PXYLP1: variants seen among roughly 807,000 people sequenced by gnomAD.
The protein encoded by PXYLP1 is acid phosphatase-like 2.
Under a neutral mutation model 37.9 loss-of-function variants are expected in PXYLP1, and 17 were observed. The observed-to-expected ratio is 0.45, with a 90% CI of 0.31 to 0.67. The LOEUF (loss-of-function observed/expected upper bound fraction) is 0.67. PXYLP1 is among the 30% of genes least tolerant of loss of function. The pLI, the probability that PXYLP1 is intolerant of heterozygous loss-of-function variation, is 0.07. For synonymous variants in PXYLP1, 221 were observed against 232.2 expected (o/e 0.95, Z 0.44); for missense variants, 511 against 612.0 (o/e 0.84, Z 1.74).
intron 1 of PXYLP1, among the ~76,000 whole-genome samples, chr3:141,232,678 CACAG>C (rs1263558462): frequency 6.6e-6 from 1 of 151,696 alleles, no homozygotes; most frequent in Non-Finnish European, 1.5e-5. Flanking sequence ...CACACACACA[CACAG>C]AGAGAGAGAG....
At chr3:141,271,721 T>C (rs2148793596) in intron 2 of PXYLP1, among the ~76,000 whole-genome samples, 1 of 152,342 alleles carries the variant, frequency 6.6e-6, no homozygotes, top group East Asian at 1.9e-4. Context: ...GGAAGCCATC[T>C]GACTCCCACT....
chr3:141,278,870 G>A (rs116393136), intron 3 of PXYLP1, among the ~76,000 whole-genome samples: 2,492 of 152,344 alleles, frequency 0.016, 31 homozygotes, highest in Non-Finnish European at 0.025. Flanking sequence ...AGCCTCTTGG[G>A]ACTCAGGATG....
rs185901531 is a variant in PXYLP1, at chr3:141,254,209, G to A, written c.-53-5914G>A. On this transcript the variant is annotated intron_variant, in intron 1 of 5. Transcript: ENST00000286353. ...ATTACAGGCGTGAGCTACCACGCCC[G>A]GCCCCTCTGGAATATTTTAAAGCTA... 1.7e-4 allele frequency among the ~76,000 whole-genome samples: 26 copies of A among 152,264 alleles called. No homozygotes were observed. The East Asian group carries it at 3.3e-3, about 19-fold the overall frequency.
intron 4 of PXYLP1, among the ~76,000 whole-genome samples, chr3:141,281,793 T>C (rs1941962542): frequency 6.6e-6 from 1 of 152,078 alleles, no homozygotes; most frequent in African/African-American, 2.4e-5. Flanking sequence ...TGTGAGGTGG[T>C]GGACAGCTTG....
At chr3:141,277,132 T>C (rs746972122) in intron 2 of PXYLP1, among the ~76,000 whole-genome samples, 1 of 152,220 alleles carries the variant, frequency 6.6e-6, no homozygotes, top group Non-Finnish European at 1.5e-5. Context: ...GTGTTGCCTT[T>C]TATCTTTGTT....
intron 2 of PXYLP1, chr3:141,262,273 A>G (rs565684502): frequency 2.0e-6 from 2 of 992,526 alleles, no homozygotes; most frequent in East Asian, 1.1e-4. Context: ...GAAGGTGGGC[A>G]TCAGAAGTTT....
At chr3:141,250,686 G>A (rs1020590628) in intron 1 of PXYLP1, among the ~76,000 whole-genome samples, 1 of 152,196 alleles carries the variant, frequency 6.6e-6, no homozygotes, top group Non-Finnish European at 1.5e-5. Flanking sequence ...TGGCTGTGAT[G>A]CCTGGCAGTG....
intron 2 of PXYLP1, among the ~76,000 whole-genome samples, chr3:141,275,440 T>G (rs768125743): frequency 2.6e-5 from 4 of 152,234 alleles, no homozygotes; most frequent in Non-Finnish European, 5.9e-5. Context: ...CCTTAGCTGC[T>G]TCTGTCCCTG....
rs773892481 is a variant in PXYLP1 at position 141,292,854 on chromosome 3, C to G, written c.1092C>G (p.Thr364=). ...CCATCGGCCGGATGCAGCGTGCCAC[C>G]GAGGGCAGGAAAGAAGAGCTCTTTG... ...NQTIGRMQRA[T]EGRKEELFAL... The change falls in exon 6 of 6, where the codon ACC becomes ACG. Residue 364 remains threonine, a synonymous_variant. Coordinates refer to ENST00000286353, the MANE Select transcript of PXYLP1 (RefSeq NM_001037172.3). This position sits in a 1 kb window ranked among gnomAD's most constrained non-coding sequence, Gnocchi z 4.3. The G allele has an allele frequency of 6.2e-7, 1 of 1,614,120 alleles. No individual in the cohort carries two copies. Among genetic ancestry groups the G allele is most frequent in the Non-Finnish European group, 8.5e-7 (1 of 1,180,010 alleles).
intron 1 of PXYLP1, among the ~76,000 whole-genome samples, chr3:141,244,457 A>G (rs1940888412): frequency 6.6e-6 from 1 of 152,032 alleles, no homozygotes; most frequent in Non-Finnish European, 1.5e-5. Flanking sequence ...ACTTCACAAT[A>G]GAGATCACAC....
chr3:141,263,866 C>T (rs1304743160), intron 2 of PXYLP1, among the ~76,000 whole-genome samples: 1 of 152,208 alleles, frequency 6.6e-6, no homozygotes, highest in Non-Finnish European at 1.5e-5. Context: ...GGAAGCATAG[C>T]CAACATAAAC....
rs746481208 is a variant in PXYLP1 at position 141,294,272 on chromosome 3, T to C, written c.*1067T>C. 4 of 152,236 alleles carry C rather than the reference T, an allele frequency of 2.6e-5. No homozygotes were observed. The highest frequency in any genetic ancestry group is 5.9e-5 in the Non-Finnish European group (4 of 68,032). 9.4% of individuals were successfully genotyped at this position (152,236 alleles called of 1,614,324 possible). A position where few individuals can be genotyped will look rare whatever the true frequency, so the allele number is the denominator to read the frequency against. ...TGGTGGTTAGAAGGAGGCTAGAAGA[T>C]GAATTCAGGCACTTTCTTCCAATAA... On this transcript the variant is annotated 3_prime_UTR_variant, in exon 6 of 6. Transcript: ENST00000286353.
At chr3:141,283,611 G>C (rs1942004786) in intron 4 of PXYLP1, among the ~76,000 whole-genome samples, 1 of 151,988 alleles carries the variant, frequency 6.6e-6, no homozygotes, top group Non-Finnish European at 1.5e-5. Flanking sequence ...AAGTACACTG[G>C]GCTTATCTTT....
chr3:141,288,196 T>C (rs948225903), intron 5 of PXYLP1, among the ~76,000 whole-genome samples: 1 of 152,140 alleles, frequency 6.6e-6, no homozygotes, highest in African/African-American at 2.4e-5. Context: ...CTTCAAGAGG[T>C]TTCAGTTTTC....
chr3:141,232,971 G>C (rs1314661291), intron 1 of PXYLP1, among the ~76,000 whole-genome samples: 2 of 152,168 alleles, frequency 1.3e-5, no homozygotes, highest in Non-Finnish European at 1.5e-5. Context: ...GGAAGTGTAG[G>C]GGGGTGGATG....
rs1940710136 is a variant in PXYLP1 at position 141,238,411 on chromosome 3, CCTT to C, written c.-54+6503_-54+6505del. Among the ~76,000 whole-genome samples, 3 of 152,328 alleles carry C rather than the reference CCTT, an allele frequency of 2.0e-5. No homozygotes were observed. The South Asian group carries it at 6.2e-4, about 32-fold the overall frequency. On this transcript the variant is annotated intron_variant, in intron 1 of 5. Transcript: ENST00000286353. ...AGCAATGGGCTGTCGACCAGAAAAT[CCTT>C]CTGTGATTGCTGCTTCAGGAACTCG...
At chr3:141,263,456 T>A (rs1477759412) in intron 2 of PXYLP1, among the ~76,000 whole-genome samples, 1 of 152,252 alleles carries the variant, frequency 6.6e-6, no homozygotes, top group Non-Finnish European at 1.5e-5. Context: ...AGGCAAGGCA[T>A]AGATATTTTT....
rs116817039 is a variant in PXYLP1, at chr3:141,289,768, A to T, written c.505+2315A>T. On this transcript the variant is annotated intron_variant, in intron 5 of 5. Transcript: ENST00000286353. ...ATTCTTGAGAGAGGGAGAATCCTTG[A>T]GGTCCTAGGGGTTAGCATCCATCAG... Among the ~76,000 whole-genome samples, 306 of 152,264 alleles carry T rather than the reference A, an allele frequency of 2.0e-3. 1 individual carries two copies. The highest frequency in any genetic ancestry group is 7.1e-3 in the African/African-American group (293 of 41,526).
intron 4 of PXYLP1, 122 bp from the exon 5 acceptor site, chr3:141,287,192 G>A (rs1438433053): frequency 1.3e-5 from 13 of 971,016 alleles, no homozygotes; most frequent in Admixed American, 1.1e-4. Flanking sequence ...TGATTGAGCC[G>A]GTACCTGTTA....
Sources: allele counts gnomAD v4.1 joint callset (sites outside exome capture counted in the v4.1 genomes callset), GRCh38; gene constraint gnomAD v4.1.1; non-coding constraint Gnocchi (gnomAD v3.1); transcripts MANE v1.5; gene names NCBI Gene and HGNC (gene_info 2026-07-23, HGNC 2026-07-21).